IFT80: variants seen among roughly 807,000 people sequenced by gnomAD.
IFT80 encodes the protein intraflagellar transport protein 80 homolog.
In IFT80, 79 loss-of-function variants were observed where a neutral mutation model predicts 107.9. The observed-to-expected ratio is 0.73, with a 90% CI of 0.61 to 0.88. The LOEUF is 0.88. Among genes scored for constraint, IFT80 ranks in the 40% least tolerant of loss-of-function variants. IFT80 has a pLI of 0.00. For synonymous variants in IFT80, 299 were observed against 300.9 expected (o/e 0.99, Z 0.07); for missense variants, 797 against 914.2 (o/e 0.87, Z 1.65).
At chr3:160,371,026 T>C (rs570668336) in intron 5 of IFT80, among the ~76,000 whole-genome samples, 9 of 152,298 alleles carry the variant, frequency 5.9e-5, no homozygotes, top group Middle Eastern at 3.4e-3. Flanking sequence ...CCTGGTCAAT[T>C]TTTTAAAGGT....
At chr3:160,316,263 C>T (rs752887501) in intron 9 of IFT80, among the ~76,000 whole-genome samples, 8 of 152,078 alleles carry the variant, frequency 5.3e-5, no homozygotes, top group Non-Finnish European at 8.8e-5. Flanking sequence ...AAAACTGAGG[C>T]CCTCAGGTGC....
At chr3:160,365,202 T>A (rs1721783828) in intron 6 of IFT80, among the ~76,000 whole-genome samples, 1 of 152,068 alleles carries the variant, frequency 6.6e-6, no homozygotes, top group South Asian at 2.1e-4. Context: ...TTCTTTACCT[T>A]AGGTGCCTAA....
intron 8 of IFT80, among the ~76,000 whole-genome samples, chr3:160,329,284 T>A (rs1024866545): frequency 1.3e-5 from 2 of 152,186 alleles, no homozygotes; most frequent in Non-Finnish European, 2.9e-5. Flanking sequence ...TTCTCTTCTC[T>A]TCCCCAAATA....
At chr3:160,375,494 A>G (rs940735426) in intron 5 of IFT80, among the ~76,000 whole-genome samples, 4 of 152,150 alleles carry the variant, frequency 2.6e-5, no homozygotes, top group Non-Finnish European at 5.9e-5. Context: ...CTCCAATTCT[A>G]TATAAGATAT....
Position 160,375,887 on chromosome 3 carries a change from AG to A in IFT80, c.371-8del. 4 of 1,582,810 alleles carry A rather than the reference AG, an allele frequency of 2.5e-6. No homozygotes were observed. Among genetic ancestry groups the A allele is most frequent in the Non-Finnish European group, 3.5e-6 (4 of 1,152,916 alleles). ...ATTTGTCCATCTTCTCCAACTATAC[AG>A]GGAAAAAAAAATTAATCAGTATTTT... On this transcript the variant is annotated splice_region_variant and splice_polypyrimidine_tract_variant and intron_variant, in intron 4 of 19. Transcript: ENST00000326448.
At chr3:160,362,699 T>A (rs1721582042) in intron 6 of IFT80, among the ~76,000 whole-genome samples, 1 of 152,108 alleles carries the variant, frequency 6.6e-6, no homozygotes, top group Non-Finnish European at 1.5e-5. Context: ...ATCCCTGGGA[T>A]GCAAGGGATT....
At chr3:160,374,047 C>G (rs928433860) in intron 5 of IFT80, among the ~76,000 whole-genome samples, 12 of 152,078 alleles carry the variant, frequency 7.9e-5, no homozygotes, top group Admixed American at 7.9e-4. Context: ...TCTGGAACAT[C>G]TGAAATGGTG....
intron 12 of IFT80, among the ~76,000 whole-genome samples, chr3:160,296,057 G>A (rs1218329639): frequency 6.6e-6 from 1 of 152,170 alleles, no homozygotes; most frequent in African/African-American, 2.4e-5. Flanking sequence ...GATGAATTAA[G>A]TTCCAGGTAT....
chr3:160,259,597 T>C lies in IFT80; in HGVS notation c.2224-962A>G, dbSNP rs185277679. 4.6e-5 allele frequency among the ~76,000 whole-genome samples: 7 copies of C among 152,304 alleles called. No individual in the cohort carries two copies. The East Asian group carries it at 1.4e-3, about 29-fold the overall frequency. On this transcript the variant is annotated intron_variant, in intron 19 of 19. Transcript: ENST00000326448. The stretch of plus-strand genomic sequence containing the variant: ...CTGGGAAACACATGAAAAGAATAAC[T>C]GCAAAGTGCAAACATTTTTATTTGT...
At chr3:160,381,015 G>T (rs771301044) in intron 3 of IFT80, among the ~76,000 whole-genome samples, 5 of 151,800 alleles carry the variant, frequency 3.3e-5, no homozygotes, top group Non-Finnish European at 5.9e-5. Flanking sequence ...AAGGAAGATT[G>T]CTTGAGGCCA....
chr3:160,341,649 A>G (rs1327167491), intron 8 of IFT80, among the ~76,000 whole-genome samples: 1 of 152,182 alleles, frequency 6.6e-6, no homozygotes, highest in Non-Finnish European at 1.5e-5. Flanking sequence ...TGCTCTCTCA[A>G]ATAAAAAAAA....
intron 8 of IFT80, among the ~76,000 whole-genome samples, chr3:160,334,340 T>A (rs140622070): frequency 1.4e-4 from 21 of 152,232 alleles, no homozygotes; most frequent in Middle Eastern, 6.8e-3. Flanking sequence ...TGTTGGAAGT[T>A]GAGTAATGGG....
intron 10 of IFT80, 43 bp from the exon 11 acceptor site, chr3:160,304,032 C>T (rs534393834): frequency 1.6e-6 from 2 of 1,259,194 alleles, no homozygotes; most frequent in South Asian, 2.4e-5. Context: ...ATTTAAAATA[C>T]CAAATACTTT....
Position 160,392,894 on chromosome 3 carries a change from A to ACC in IFT80, c.-47+6250_-47+6251dup, listed in dbSNP as rs113134209. On this transcript the variant is annotated intron_variant, in intron 1 of 19. Coordinates refer to ENST00000326448, the MANE Select transcript of IFT80 (RefSeq NM_020800.3). ...AGACCAGCCTGGGCAACATAGTGAG[A>ACC]CCCCCTTCTTTACAAAAAAATAAAT... Among the ~76,000 whole-genome samples, 351 of 152,164 alleles carry ACC rather than the reference A, an allele frequency of 2.3e-3. 1 individual carries two copies. Among genetic ancestry groups the ACC allele is most frequent in the African/African-American group, 7.8e-3 (325 of 41,480 alleles).
At chr3:160,328,641 G>A (rs1718858145) in intron 8 of IFT80, among the ~76,000 whole-genome samples, 3 of 151,666 alleles carry the variant, frequency 2.0e-5, no homozygotes, top group Admixed American at 2.0e-4. Flanking sequence ...ACCATTACTG[G>A]GTATATACCC....
At chr3:160,289,763 GA>G in intron 12 of IFT80, among the ~76,000 whole-genome samples, 1 of 152,306 alleles carries the variant, frequency 6.6e-6, no homozygotes, top group South Asian at 2.1e-4. Context: ...ATTTAATCAA[GA>G]AAAAGATTCA....
chr3:160,383,034 T>A (rs768240949), intron 2 of IFT80, among the ~76,000 whole-genome samples: 11 of 152,176 alleles, frequency 7.2e-5, no homozygotes, highest in Non-Finnish European at 1.5e-4. Context: ...AAACCTAAAA[T>A]GGGAGAAGCT....
intron 9 of IFT80, among the ~76,000 whole-genome samples, chr3:160,319,540 C>A (rs1355817897): frequency 6.6e-6 from 1 of 151,928 alleles, no homozygotes. Context: ...CTGTATTTGT[C>A]CTAAATGCAT....
intron 8 of IFT80, among the ~76,000 whole-genome samples, chr3:160,351,995 T>C (rs955706577): frequency 5.9e-5 from 9 of 151,666 alleles, no homozygotes; most frequent in African/African-American, 2.2e-4. Context: ...TGCAGCAAAG[T>C]GGCAGACATA....
Sources: gnomAD v4.1 joint callset for allele counts (sites outside exome capture counted in the v4.1 genomes callset) on GRCh38, gnomAD v4.1.1 for gene constraint, MANE v1.5 for transcripts, NCBI Gene and HGNC (gene_info 2026-07-23, HGNC 2026-07-21) for gene names.